The following ZC3H8 variants were observed in gnomAD, a reference collection of about 807,000 sequenced individuals.
The protein encoded by ZC3H8 is zinc finger CCCH-type containing 8.
A neutral mutation model predicts 42.5 loss-of-function variants in ZC3H8; 27 were observed. That is an observed-to-expected ratio of 0.64 (90% confidence interval 0.47 to 0.88). The LOEUF (loss-of-function observed/expected upper bound fraction) is 0.88. Among genes scored for constraint, ZC3H8 ranks in the 40% least tolerant of loss-of-function variants. ZC3H8 has a pLI of 0.00. For missense variants in ZC3H8, 277 were observed against 336.1 expected (o/e 0.82, Z 1.37); for synonymous variants, 101 against 110.1 (o/e 0.92, Z 0.52).
chr2:112,227,373 A>C (rs1454158482), intron 8 of ZC3H8, among the ~76,000 whole-genome samples: 1 of 152,112 alleles, frequency 6.6e-6, no homozygotes, highest in Non-Finnish European at 1.5e-5. Flanking sequence ...AAAAACACAA[A>C]AATTAGCCGG....
intron 1 of ZC3H8, among the ~76,000 whole-genome samples, chr2:112,253,644 C>T (rs1686031060): frequency 6.6e-6 from 1 of 152,224 alleles, no homozygotes; most frequent in African/African-American, 2.4e-5. Flanking sequence ...CTTCACCCAT[C>T]ATTTTGGCAA....
chr2:112,216,620 C>T (rs1341605991), intron 8 of ZC3H8, among the ~76,000 whole-genome samples, 152 bp from the exon 9 acceptor site: 1 of 151,492 alleles, frequency 6.6e-6, no homozygotes, highest in African/African-American at 2.4e-5. Context: ...ATTAAACACC[C>T]CTCTTTGGGA....
rs1684157980 is a variant in ZC3H8 at position 112,212,115 on chromosome 2, G to C, written c.*4369C>G. The C allele has an allele frequency of 6.6e-6, 1 of 152,274 alleles. No homozygotes were observed. Among genetic ancestry groups the C allele is most frequent in the South Asian group, 2.1e-4 (1 of 4,826 alleles). The allele number at this position is 152,274 out of a possible 1,614,324, so 9.4% of individuals were successfully genotyped here. A position where few individuals can be genotyped will look rare whatever the true frequency, so the allele number is the denominator to read the frequency against. On this transcript the variant is annotated 3_prime_UTR_variant, in exon 9 of 9. Transcript: ENST00000409573. ...TCAAGGTCAAGGTGCTGGTATATTA[G>C]TGTGTGGTGAGGGCCTGCTTCCTGC...
chr2:112,231,843 C>T lies in ZC3H8; in HGVS notation c.838G>A (p.Ala280Thr), dbSNP rs780162705. The T allele has an allele frequency of 6.4e-7, 1 of 1,563,804 alleles. No individual in the cohort carries two copies. The highest frequency in any genetic ancestry group is 8.7e-7 in the Non-Finnish European group (1 of 1,150,842). ...TTATTAAAAATTATACTTACTTTAGCCAACAATTCTTGTGTTTCAGGAGTC... is the reference window on the plus strand; with the variant it reads ...TTATTAAAAATTATACTTACTTTAGTCAACAATTCTTGTGTTTCAGGAGTC... Reference protein sequence around the residue: ...PLTPETQELLAKVLDTEKKSC... With the variant: ...PLTPETQELLTKVLDTEKKSC... Residue 280 changes from alanine to threonine, a missense_variant, in exon 7 of 9, where the codon GCT becomes ACT. Ala to Thr is a moderately conservative substitution (Grantham distance 58). Coordinates refer to ENST00000409573, the MANE Select transcript of ZC3H8 (RefSeq NM_032494.3).
intron 4 of ZC3H8, 151 bp downstream of exon 4, chr2:112,236,411 G>A: frequency 1.0e-6 from 1 of 980,028 alleles, no homozygotes; most frequent in Non-Finnish European, 1.5e-6. Flanking sequence ...AGAGAACCCA[G>A]TGACAGTAAA....
chr2:112,217,886 G>T (rs1158097904), intron 8 of ZC3H8, among the ~76,000 whole-genome samples: 1 of 152,060 alleles, frequency 6.6e-6, no homozygotes, highest in Non-Finnish European at 1.5e-5. Context: ...TTGTTTCTTT[G>T]TTTGGGTTTG....
intron 2 of ZC3H8, among the ~76,000 whole-genome samples, chr2:112,248,177 T>G (rs1685821168): frequency 6.6e-6 from 1 of 151,712 alleles, no homozygotes; most frequent in South Asian, 2.1e-4. Flanking sequence ...AATACAACAA[T>G]TAGCCAGGTG....
chr2:112,241,121 A>G (rs946871259), intron 2 of ZC3H8, among the ~76,000 whole-genome samples: 1 of 152,108 alleles, frequency 6.6e-6, no homozygotes, highest in Non-Finnish European at 1.5e-5. Context: ...GGGCTTAGGT[A>G]CAGTGTGAGA....
chr2:112,232,314 C>CAAAA (rs34453808), intron 6 of ZC3H8, among the ~76,000 whole-genome samples: 2 of 71,564 alleles, frequency 2.8e-5, no homozygotes, highest in African/African-American at 7.0e-5. Flanking sequence ...GATAATGTCT[C>CAAAA]AAAAAAAAAA....
At chr2:112,217,226 C>A (rs903501276) in intron 8 of ZC3H8, among the ~76,000 whole-genome samples, 8 of 152,068 alleles carry the variant, frequency 5.3e-5, no homozygotes, top group Admixed American at 5.2e-4. Flanking sequence ...AAAAAATTAG[C>A]CAGACATGGT....
In ZC3H8 at chr2:112,213,862, T is replaced by C. The variant is rs1044193213; in HGVS notation, c.*2622A>G. ...TAGTAACTGACCATAAAAAGACCCATATGAAACCTGTCACACAGAATTTTA... is the reference window on the plus strand; with the variant it reads ...TAGTAACTGACCATAAAAAGACCCACATGAAACCTGTCACACAGAATTTTA... On this transcript the variant is annotated 3_prime_UTR_variant, in exon 9 of 9. Transcript: ENST00000409573. 6 of 142,584 alleles carry C rather than the reference T, an allele frequency of 4.2e-5. No homozygotes were observed. The highest frequency in any genetic ancestry group is 9.0e-5 in the Non-Finnish European group (6 of 66,336). 8.8% of individuals were successfully genotyped at this position (142,584 alleles called of 1,614,324 possible). A position where few individuals can be genotyped will look rare whatever the true frequency, so the allele number is the denominator to read the frequency against.
At chr2:112,242,482 T>C (rs35502956) in intron 2 of ZC3H8, among the ~76,000 whole-genome samples, 15,235 of 152,234 alleles carry the variant, frequency 0.1, 1,058 homozygotes, top group East Asian at 0.33. Context: ...CAGTTATAAA[T>C]TGACAACATT....
chr2:112,229,795 A>T (rs965345245), intron 8 of ZC3H8, among the ~76,000 whole-genome samples: 3 of 152,238 alleles, frequency 2.0e-5, no homozygotes, highest in Non-Finnish European at 4.4e-5. Context: ...ATAAACGTAT[A>T]CAGCAAAGCT....
chr2:112,248,422 C>T (rs774091040), intron 2 of ZC3H8, among the ~76,000 whole-genome samples: 13 of 152,090 alleles, frequency 8.5e-5, no homozygotes, highest in Non-Finnish European at 1.3e-4. Context: ...GTAAAAGATA[C>T]ACTATTAAAG....
At chr2:112,220,301 C>T (rs531525694) in intron 8 of ZC3H8, among the ~76,000 whole-genome samples, 1 of 152,264 alleles carries the variant, frequency 6.6e-6, no homozygotes, top group South Asian at 2.1e-4. Context: ...TCTTTACTTC[C>T]CATATTTCGC....
At chr2:112,225,749 G>A (rs1173534684) in intron 8 of ZC3H8, among the ~76,000 whole-genome samples, 16 of 151,862 alleles carry the variant, frequency 1.1e-4, no homozygotes. Flanking sequence ...CCCAGGAGAC[G>A]GAAGTTGCAG....
chr2:112,238,252 A>G, intron 3 of ZC3H8, 63 bp downstream of exon 3: 1 of 1,513,668 alleles, frequency 6.6e-7, no homozygotes, highest in Non-Finnish European at 9.0e-7. Flanking sequence ...CTCTGTCCGT[A>G]TATGGACAAC....
chr2:112,234,282 T>A, intron 4 of ZC3H8, 46 bp from the exon 5 acceptor site: 1 of 1,370,628 alleles, frequency 7.3e-7, no homozygotes, highest in Non-Finnish European at 1.0e-6. Flanking sequence ...AACAGAAAAT[T>A]AAATATTTTA....
At chr2:112,233,046 G>A (rs964682739) in intron 6 of ZC3H8, among the ~76,000 whole-genome samples, 5 of 152,140 alleles carry the variant, frequency 3.3e-5, no homozygotes, top group African/African-American at 4.8e-5. Context: ...CCCAGGTTGA[G>A]CAGAAAGAAT....
Sources: gnomAD v4.1 joint callset for allele counts (sites outside exome capture counted in the v4.1 genomes callset) on GRCh38, gnomAD v4.1.1 for gene constraint, MANE v1.5 for transcripts, NCBI Gene and HGNC (gene_info 2026-07-23, HGNC 2026-07-21) for gene names.